Variants in GNA13 observed in about 807,000 individuals in gnomAD.
GNA13 encodes guanine nucleotide-binding protein subunit alpha-13.
A neutral mutation model predicts 33.5 loss-of-function variants in GNA13; 4 were observed. That is an observed-to-expected ratio of 0.12 (90% confidence interval 0.06 to 0.27). The LOEUF (loss-of-function observed/expected upper bound fraction) is 0.27. Among genes scored for constraint, GNA13 ranks in the 10% least tolerant of loss-of-function variants. GNA13 has a pLI of 1.00. For missense variants in GNA13, 319 were observed against 487.2 expected (o/e 0.65, Z 3.25); for synonymous variants, 176 against 183.8 (o/e 0.96, Z 0.34).
intron 2 of GNA13, among the ~76,000 whole-genome samples, chr17:65,048,951 T>C (rs1446782392): frequency 6.6e-6 from 1 of 152,124 alleles, no homozygotes; most frequent in Non-Finnish European, 1.5e-5. Context: ...AATTCAAAAA[T>C]ATGCTGCTAA....
intron 2 of GNA13, among the ~76,000 whole-genome samples, chr17:65,028,004 C>T (rs1304395240): frequency 5.9e-5 from 9 of 152,060 alleles, no homozygotes; most frequent in African/African-American, 1.2e-4. Context: ...TCTGGGAGGC[C>T]GAGGTGGGCG....
chr17:65,026,543 T>C (rs1327436108), intron 2 of GNA13, among the ~76,000 whole-genome samples: 1 of 152,190 alleles, frequency 6.6e-6, no homozygotes, highest in African/African-American at 2.4e-5. Flanking sequence ...ATTAAAGAAA[T>C]AATTTTTTGC....
chr17:65,033,736 C>T (rs562600927), intron 2 of GNA13, among the ~76,000 whole-genome samples: 3 of 151,946 alleles, frequency 2.0e-5, no homozygotes, highest in East Asian at 1.9e-4. Context: ...CAAAAGAGGC[C>T]GGGCTTGGTG....
intron 2 of GNA13, among the ~76,000 whole-genome samples, chr17:65,051,500 A>G (rs1247666263): frequency 6.6e-6 from 1 of 152,162 alleles, no homozygotes; most frequent in Non-Finnish European, 1.5e-5. Flanking sequence ...CTGTAATCTC[A>G]GCTACTTGGG....
At chr17:65,044,978 G>T (rs1907605431) in intron 2 of GNA13, among the ~76,000 whole-genome samples, 1 of 151,268 alleles carries the variant, frequency 6.6e-6, no homozygotes, top group South Asian at 2.1e-4. Flanking sequence ...GGGAGGTGGA[G>T]GTTTCAGTGA....
At chr17:65,027,350 G>A (rs1286434948) in intron 2 of GNA13, among the ~76,000 whole-genome samples, 1 of 120,150 alleles carries the variant, frequency 8.3e-6, no homozygotes, top group Non-Finnish European at 1.7e-5. Flanking sequence ...TTTTCACTAT[G>A]TTTCCCAGGC....
intron 2 of GNA13, among the ~76,000 whole-genome samples, chr17:65,042,087 G>A (rs969221077): frequency 6.6e-6 from 1 of 152,030 alleles, no homozygotes; most frequent in South Asian, 2.1e-4. Flanking sequence ...AGCCAGCCGC[G>A]GTGGCTCACA....
intron 2 of GNA13, among the ~76,000 whole-genome samples, chr17:65,040,253 G>C (rs1476399581): frequency 6.6e-6 from 1 of 152,122 alleles, no homozygotes; most frequent in Non-Finnish European, 1.5e-5. Flanking sequence ...AAAAATGGAA[G>C]CAAGTATAAT....
intron 2 of GNA13, among the ~76,000 whole-genome samples, chr17:65,025,164 C>A (rs1425928484): frequency 1.3e-5 from 2 of 152,112 alleles, no homozygotes; most frequent in Non-Finnish European, 2.9e-5. Context: ...TCCGGGAGTG[C>A]TGGGATTACA....
At chr17:65,036,304 C>T (rs904489014) in intron 2 of GNA13, among the ~76,000 whole-genome samples, 1 of 152,180 alleles carries the variant, frequency 6.6e-6, no homozygotes, top group Non-Finnish European at 1.5e-5. Context: ...TTTCCAAGTC[C>T]CGATTTGGTC....
chr17:65,053,445 G>T, intron 2 of GNA13, 57 bp downstream of exon 2: 1 of 1,077,914 alleles, frequency 9.3e-7, no homozygotes, highest in Non-Finnish European at 1.4e-6. Context: ...TGTGCAACCT[G>T]TATTACTAAA....
intron 2 of GNA13, among the ~76,000 whole-genome samples, chr17:65,027,677 A>C (rs1906843498): frequency 6.6e-6 from 1 of 152,190 alleles, no homozygotes; most frequent in Non-Finnish European, 1.5e-5. Context: ...GTTTGAAAAA[A>C]GTGAGTATCA....
chr17:65,036,836 AG>A (rs1403313968), intron 2 of GNA13, among the ~76,000 whole-genome samples: 1 of 152,234 alleles, frequency 6.6e-6, no homozygotes, highest in East Asian at 1.9e-4. Flanking sequence ...GGTCATTTCT[AG>A]GTTAATAAAG....
intron 3 of GNA13, among the ~76,000 whole-genome samples, chr17:65,017,808 T>C (rs1159465710): frequency 2.6e-5 from 4 of 152,120 alleles, no homozygotes; most frequent in Non-Finnish European, 5.9e-5. Flanking sequence ...TGTGTTCTAT[T>C]TCTGTTTACA....
intron 2 of GNA13, among the ~76,000 whole-genome samples, chr17:65,029,747 T>C (rs948996247): frequency 6.6e-6 from 1 of 152,208 alleles, no homozygotes. Context: ...TACAGAGCAA[T>C]AGCTACATAA....
At chr17:65,043,415 T>G (rs913201063) in intron 2 of GNA13, among the ~76,000 whole-genome samples, 2 of 151,856 alleles carry the variant, frequency 1.3e-5, no homozygotes, top group African/African-American at 4.8e-5. Flanking sequence ...GACCCCCGAG[T>G]AGCTGGGACC....
chr17:65,017,675 C>T (rs1906418799), intron 3 of GNA13, among the ~76,000 whole-genome samples: 1 of 152,130 alleles, frequency 6.6e-6, no homozygotes, highest in African/African-American at 2.4e-5. Flanking sequence ...AGGGCGACTC[C>T]CCCTACCTCG....
At chr17:65,051,605 C>CA (rs1007322443) in intron 2 of GNA13, among the ~76,000 whole-genome samples, 1 of 151,400 alleles carries the variant, frequency 6.6e-6, no homozygotes, top group African/African-American at 2.4e-5. Context: ...ACAAAACTCT[C>CA]AAAAAAATGC....
chr17:65,017,355 C>T (rs924410273), intron 3 of GNA13, among the ~76,000 whole-genome samples: 2 of 152,202 alleles, frequency 1.3e-5, no homozygotes, highest in African/African-American at 2.4e-5. Flanking sequence ...GCTAAATAGT[C>T]TGGCAGAGCA....
Sources: allele counts gnomAD v4.1 joint callset (sites outside exome capture counted in the v4.1 genomes callset), GRCh38; gene constraint gnomAD v4.1.1; transcripts MANE v1.5; gene names NCBI Gene and HGNC (gene_info 2026-07-23, HGNC 2026-07-21).